The following PACRG variants were observed in gnomAD, a reference collection of about 807,000 sequenced individuals.
The protein encoded by PACRG is parkin coregulated gene protein.
A neutral mutation model predicts 29.7 loss-of-function variants in PACRG; 29 were observed. The ratio of observed to expected loss-of-function variants is 0.98; its 90% CI spans 0.73 to 1.33. The LOEUF (loss-of-function observed/expected upper bound fraction) is 1.33, where lower values mean the gene tolerates loss of function less well. Among genes scored for constraint, PACRG ranks in the 40% most tolerant of loss-of-function variants. PACRG has a pLI of 0.00. For missense variants in PACRG, 279 were observed against 316.2 expected (o/e 0.88, Z 0.89); for synonymous variants, 116 against 118.7 (o/e 0.98, Z 0.15).
chr6:162,793,752 A>G (rs1785145604), intron 1 of PACRG, among the ~76,000 whole-genome samples: 1 of 152,238 alleles, frequency 6.6e-6, no homozygotes, highest in Non-Finnish European at 1.5e-5. Context: ...AGGTCCAAAT[A>G]CAAGACTTCT....
At chr6:163,118,122 A>G (rs1816099490) in intron 4 of PACRG, among the ~76,000 whole-genome samples, 1 of 152,364 alleles carries the variant, frequency 6.6e-6, no homozygotes, top group Middle Eastern at 3.4e-3. Flanking sequence ...TGAAAACAGG[A>G]ATTATTTCCT....
chr6:162,810,283 T>A (rs182399136), intron 1 of PACRG, among the ~76,000 whole-genome samples: 2 of 152,232 alleles, frequency 1.3e-5, no homozygotes, highest in Admixed American at 1.3e-4. Context: ...TTGGCAGTAA[T>A]AAGGTAGCAC....
chr6:162,952,874 G>A (rs1005622949), intron 2 of PACRG, among the ~76,000 whole-genome samples: 4 of 152,066 alleles, frequency 2.6e-5, no homozygotes, highest in African/African-American at 9.7e-5. Flanking sequence ...TAGCTTCGAC[G>A]TTTTTGCATG....
chr6:162,761,956 A>ACCC (rs373736447), intron 1 of PACRG, among the ~76,000 whole-genome samples: 9 of 109,138 alleles, frequency 8.2e-5, no homozygotes, highest in Non-Finnish European at 1.4e-4. Flanking sequence ...AAAAAAAGAA[A>ACCC]CCCCCCCCCA....
intron 4 of PACRG, among the ~76,000 whole-genome samples, chr6:163,121,059 A>G (rs1298541984): frequency 1.3e-5 from 2 of 152,240 alleles, no homozygotes; most frequent in African/African-American, 4.8e-5. Flanking sequence ...GTCATAACAT[A>G]ACAACATCAC....
chr6:162,879,414 G>T (rs1338890890), intron 2 of PACRG, among the ~76,000 whole-genome samples: 2 of 152,114 alleles, frequency 1.3e-5, no homozygotes, highest in Non-Finnish European at 2.9e-5. Flanking sequence ...GTGATTTTTG[G>T]CCCAGTTGGC....
At chr6:163,007,520 A>G (rs565066458) in intron 2 of PACRG, among the ~76,000 whole-genome samples, 1 of 152,118 alleles carries the variant, frequency 6.6e-6, no homozygotes, top group African/African-American at 2.4e-5. Flanking sequence ...AAAGTGAGAC[A>G]CCCTACTCTG....
intron 4 of PACRG, among the ~76,000 whole-genome samples, chr6:163,175,014 A>G (rs1305666188): frequency 6.6e-6 from 1 of 152,234 alleles, no homozygotes; most frequent in Non-Finnish European, 1.5e-5. Flanking sequence ...CTTTTTGTAC[A>G]GGGCCATGTT....
chr6:163,170,519 A>G (rs1779026394), intron 4 of PACRG: 1 of 152,042 alleles, frequency 6.6e-6, no homozygotes, highest in Admixed American at 6.6e-5. Context: ...TGGGGTCAGG[A>G]CCGCCCCTAC....
At position 163,191,029 on chromosome 6, in the gene PACRG, T is replaced by A. The variant is rs558110715; in HGVS notation, c.613+101621T>A. Reference sequence around the variant, plus strand: ...TTAGCATTTATTAGAATACTGAATTTAAAATATTACATATTATCATTTGAA... The same window carrying A: ...TTAGCATTTATTAGAATACTGAATTAAAAATATTACATATTATCATTTGAA... On this transcript the variant is annotated intron_variant, in intron 4 of 4. Coordinates refer to ENST00000366888, the MANE Select transcript of PACRG (RefSeq NM_001080379.2). 1.8e-3 allele frequency: 784 copies of A among 447,502 alleles called. 18 individuals are homozygous for A. Among genetic ancestry groups the A allele is most frequent in the South Asian group, 0.012 (754 of 61,754 alleles). 27.7% of individuals were successfully genotyped at this position (447,502 alleles called of 1,614,324 possible).
rs144014476 is a variant in PACRG, at chr6:163,133,882, A to T, written c.613+44474A>T. Among the ~76,000 whole-genome samples, 1,444 of 152,364 alleles carry T rather than the reference A, an allele frequency of 9.5e-3. 72 individuals are homozygous for T. The highest frequency in any genetic ancestry group is 0.077 in the Admixed American group (1,184 of 15,304). On this transcript the variant is annotated intron_variant, in intron 4 of 4. Coordinates refer to ENST00000366888, the MANE Select transcript of PACRG (RefSeq NM_001080379.2). Reference sequence around the variant, plus strand: ...GTTCATCTTAATATTGTGCAATTCCAATTTTAAACGTAAACATTTAAAACA... The same window carrying T: ...GTTCATCTTAATATTGTGCAATTCCTATTTTAAACGTAAACATTTAAAACA...
chr6:163,016,061 G>A (rs1476294791), intron 2 of PACRG: 1 of 152,142 alleles, frequency 6.6e-6, no homozygotes, highest in Non-Finnish European at 1.5e-5. Flanking sequence ...TACAAATGAT[G>A]AGCATCATTT....
At chr6:162,942,627 C>G (rs1584816313) in intron 2 of PACRG, among the ~76,000 whole-genome samples, 1 of 152,142 alleles carries the variant, frequency 6.6e-6, no homozygotes, top group East Asian at 1.9e-4. Flanking sequence ...ACATTTTCCT[C>G]TTTTTGAACA....
Position 163,062,158 on chromosome 6 carries a change from T to C in PACRG, c.300T>C (p.Ile100=), listed in dbSNP as rs1208089298. Residue 100 remains isoleucine (I), a synonymous_variant, in exon 3 of 5, where the codon ATT becomes ATC. Transcript: ENST00000366888. ...TCTTTCTTTACTTTCAGGTAGAAAT[T>C]GAGAAGCTGGATTACCATCATTATC... ...KGNKIAWKVE[I]EKLDYHHYLP... 6.2e-7 allele frequency: 1 copy of C among 1,613,732 alleles called. No individual in the cohort carries two copies.
chr6:162,749,339 T>A (rs1390521656), intron 1 of PACRG, among the ~76,000 whole-genome samples: 1 of 152,162 alleles, frequency 6.6e-6, no homozygotes, highest in African/African-American at 2.4e-5. Flanking sequence ...AACTCCACCA[T>A]GTCAGCTTTT....
chr6:163,092,627 C>T (rs1814212269), intron 4 of PACRG, among the ~76,000 whole-genome samples: 2 of 152,142 alleles, frequency 1.3e-5, no homozygotes, highest in South Asian at 2.1e-4. Flanking sequence ...CAGGCAAATC[C>T]CTTAAAGTCT....
chr6:163,226,050 A>G (rs904100917), intron 4 of PACRG, among the ~76,000 whole-genome samples: 4 of 152,178 alleles, frequency 2.6e-5, no homozygotes, highest in Non-Finnish European at 5.9e-5. Flanking sequence ...AAATCCTCTC[A>G]TTTTCGACAA....
At chr6:162,765,715 T>C (rs1470504071) in intron 1 of PACRG, among the ~76,000 whole-genome samples, 1 of 152,204 alleles carries the variant, frequency 6.6e-6, no homozygotes, top group Non-Finnish European at 1.5e-5. Context: ...TCGGGGGGCA[T>C]TTCTTTAGAT....
At chr6:163,162,504 C>A (rs956432004) in intron 4 of PACRG, among the ~76,000 whole-genome samples, 1 of 152,242 alleles carries the variant, frequency 6.6e-6, no homozygotes, top group Non-Finnish European at 1.5e-5. Context: ...CTGCCAATTT[C>A]TTCCTCTCCT....
Sources: gnomAD v4.1 joint callset for allele counts (sites outside exome capture counted in the v4.1 genomes callset) on GRCh38, gnomAD v4.1.1 for gene constraint, MANE v1.5 for transcripts, NCBI Gene and HGNC (gene_info 2026-07-23, HGNC 2026-07-21) for gene names.